The following PDZRN4 variants were observed in gnomAD, a reference collection of about 807,000 sequenced individuals.
The protein encoded by PDZRN4 is PDZ domain-containing RING finger protein 4.
A neutral mutation model predicts 99.0 loss-of-function variants in PDZRN4; 70 were observed. That is an observed-to-expected ratio of 0.71 (90% CI 0.58 to 0.86). PDZRN4 has a LOEUF of 0.86. Among genes scored for constraint, PDZRN4 ranks in the 40% least tolerant of loss-of-function variants. The pLI is 0.00. For missense variants in PDZRN4, 1,474 were observed against 1,331.2 expected, an observed-to-expected ratio of 1.11 and a Z score of -1.67; for synonymous variants, 551 against 501.6, an observed-to-expected ratio of 1.10 and a Z score of -1.32.
chr12:41,438,041 T>G (rs1952646025), intron 3 of PDZRN4: 3 of 1,610,420 alleles, frequency 1.9e-6, no homozygotes, highest in East Asian at 2.2e-5. Context: ...TACCAGCAAC[T>G]AAGAGCCAGG....
At chr12:41,412,098 A>T (rs901035745) in intron 3 of PDZRN4, 3 of 152,236 alleles carry the variant, frequency 2.0e-5, no homozygotes, top group Admixed American at 6.5e-5. Flanking sequence ...GGGTCCACTC[A>T]TTGAAACTCT....
intron 3 of PDZRN4, among the ~76,000 whole-genome samples, chr12:41,369,034 C>T (rs572812590): frequency 2.4e-4 from 36 of 152,126 alleles, no homozygotes; most frequent in African/African-American, 7.9e-4. Context: ...AAGTACTGCC[C>T]AGATTGTACT....
At chr12:41,290,161 T>G (rs894069636) in intron 3 of PDZRN4, among the ~76,000 whole-genome samples, 12 of 152,210 alleles carry the variant, frequency 7.9e-5, no homozygotes, top group Non-Finnish European at 1.8e-4. Context: ...ATCCCTACCA[T>G]AAGCTCAGAT....
chr12:41,498,449 G>C (rs1009107463), intron 3 of PDZRN4, among the ~76,000 whole-genome samples: 4 of 152,114 alleles, frequency 2.6e-5, no homozygotes, highest in African/African-American at 9.7e-5. Context: ...CCAGCATCTG[G>C]CAAAGGCCTT....
intron 3 of PDZRN4, among the ~76,000 whole-genome samples, chr12:41,293,949 A>G (rs759016329): frequency 1.3e-5 from 2 of 152,204 alleles, no homozygotes; most frequent in Non-Finnish European, 2.9e-5. Flanking sequence ...TTCTCTTTTC[A>G]TAAGTATTCT....
intron 3 of PDZRN4, among the ~76,000 whole-genome samples, chr12:41,505,007 T>C (rs931848549): frequency 6.6e-6 from 1 of 152,174 alleles, no homozygotes; most frequent in Non-Finnish European, 1.5e-5. Context: ...CTCCAGGTCA[T>C]TAAGCCTGCC....
At position 41,572,789 on chromosome 12, in the gene PDZRN4, T is replaced by A; in HGVS notation, c.2010T>A (p.Asn670Lys). The A allele has an allele frequency of 6.2e-7, 1 of 1,614,132 alleles. No individual in the cohort carries two copies. The highest frequency in any genetic ancestry group is 8.5e-7 in the Non-Finnish European group (1 of 1,180,004). Residue 670 changes from asparagine (N) to lysine (K), a missense_variant, in exon 10 of 10, where the codon AAT becomes AAA. Physicochemically the swap from Asn to Lys is moderately conservative, Grantham distance 94. Transcript: ENST00000402685. ...EGVEHELQLLNEELRNIELEC... is the reference protein window; with the variant it reads ...EGVEHELQLLKEELRNIELEC... ...TGGAGCATGAGCTACAGTTGCTTAA[T>A]GAAGAACTGAGAAACATTGAGCTTG...
At chr12:41,500,222 T>C (rs1217825063) in intron 3 of PDZRN4, among the ~76,000 whole-genome samples, 3 of 151,816 alleles carry the variant, frequency 2.0e-5, no homozygotes, top group Non-Finnish European at 4.4e-5. Context: ...GGGTTAGATA[T>C]CACTTATTTT....
At chr12:41,254,065 G>A (rs1383273398) in intron 3 of PDZRN4, among the ~76,000 whole-genome samples, 1 of 151,792 alleles carries the variant, frequency 6.6e-6, no homozygotes, top group Non-Finnish European at 1.5e-5. Context: ...GTTTGCGTGT[G>A]TGTGTTTATT....
At chr12:41,278,258 T>C (rs755388811) in intron 3 of PDZRN4, among the ~76,000 whole-genome samples, 2 of 152,186 alleles carry the variant, frequency 1.3e-5, no homozygotes, top group Non-Finnish European at 2.9e-5. Context: ...TATTCAGAAG[T>C]CATGGAAGAA....
At chr12:41,319,914 G>A (rs137882711) in intron 3 of PDZRN4, among the ~76,000 whole-genome samples, 52 of 152,328 alleles carry the variant, frequency 3.4e-4, no homozygotes, top group African/African-American at 1.2e-3. Flanking sequence ...TCTGCAACAA[G>A]AGCCACTCCA....
intron 3 of PDZRN4, among the ~76,000 whole-genome samples, chr12:41,251,994 T>A (rs746393433): frequency 1.5e-4 from 23 of 152,046 alleles, no homozygotes; most frequent in African/African-American, 2.7e-4. Context: ...TATGTGCCTG[T>A]AGTCCCAGCT....
In PDZRN4 at chr12:41,188,805, G is replaced by A. The variant is rs765431849; in HGVS notation, c.350G>A (p.Gly117Asp). The A allele has an allele frequency of 5.9e-6, 8 of 1,347,400 alleles. No individual in the cohort carries two copies. The Admixed American group carries it at 2.5e-4, about 41-fold the overall frequency. The allele number at this position is 1,347,400 out of a possible 1,614,324, so 83.5% of individuals were successfully genotyped here. Residue 117 changes from glycine (G) to aspartate (D), a missense_variant, in exon 1 of 10, where the codon GGC (glycine) becomes GAC (aspartate). Transcript: ENST00000402685. ...GPARRLRSRG[G>D]CASGLGGGEV... ...GCCCGCCGGCTCCGCAGCCGCGGGG[G>A]CTGCGCTTCGGGGCTGGGCGGTGGT...
chr12:41,434,359 G>A (rs1389792498), intron 3 of PDZRN4, among the ~76,000 whole-genome samples: 1 of 151,994 alleles, frequency 6.6e-6, no homozygotes, highest in Non-Finnish European at 1.5e-5. Context: ...TGTCTCAGGT[G>A]GCACATATTG....
chr12:41,222,909 C>T (rs1448628493), intron 3 of PDZRN4, among the ~76,000 whole-genome samples: 1 of 152,158 alleles, frequency 6.6e-6, no homozygotes, highest in Non-Finnish European at 1.5e-5. Flanking sequence ...CCCACAGTAT[C>T]TATGGTGTAT....
intron 3 of PDZRN4, among the ~76,000 whole-genome samples, chr12:41,262,966 T>C (rs1951251642): frequency 6.7e-6 from 1 of 149,452 alleles, no homozygotes; most frequent in Non-Finnish European, 1.5e-5. Flanking sequence ...TATATGTATA[T>C]ATATATAAAA....
At chr12:41,526,811 AT>A (rs971653901) in intron 5 of PDZRN4, among the ~76,000 whole-genome samples, 2 of 152,176 alleles carry the variant, frequency 1.3e-5, no homozygotes, top group African/African-American at 4.8e-5. Flanking sequence ...ACAGTGTTAA[AT>A]TTTTTTGATA....
intron 3 of PDZRN4, chr12:41,412,143 T>C (rs1272671700): frequency 6.6e-6 from 1 of 152,224 alleles, no homozygotes; most frequent in African/African-American, 2.4e-5. Context: ...CCTATCTGGA[T>C]ATATGTTAAG....
chr12:41,299,340 T>C (rs1951517680), intron 3 of PDZRN4, among the ~76,000 whole-genome samples: 2 of 152,112 alleles, frequency 1.3e-5, no homozygotes, highest in African/African-American at 4.8e-5. Context: ...TCTCAATGAG[T>C]AGAGTTAGAT....
Sources: gnomAD v4.1 joint callset for allele counts (sites outside exome capture counted in the v4.1 genomes callset) on GRCh38, gnomAD v4.1.1 for gene constraint, MANE v1.5 for transcripts, NCBI Gene and HGNC (gene_info 2026-07-23, HGNC 2026-07-21) for gene names.